KCTD1: variants seen among roughly 807,000 people sequenced by gnomAD.
KCTD1 encodes BTB/POZ domain-containing protein KCTD1.
Under a neutral mutation model 66.0 loss-of-function variants are expected in KCTD1, and 24 were observed. That is an observed-to-expected ratio of 0.36 (90% CI 0.26 to 0.51). KCTD1 has a LOEUF of 0.51. Among genes scored for constraint, KCTD1 ranks in the 20% least tolerant of loss-of-function variants. KCTD1 has a pLI of 0.95. For missense variants in KCTD1, 943 were observed against 1,205.2 expected (o/e 0.78, Z 3.22); for synonymous variants, 511 against 517.2 (o/e 0.99, Z 0.16).
chr18:26,559,172 A>C (rs1309588925), intron 1 of KCTD1, among the ~76,000 whole-genome samples: 2 of 152,146 alleles, frequency 1.3e-5, no homozygotes, highest in Non-Finnish European at 2.9e-5. Context: ...AGAATGAATA[A>C]GATCTGCTAT....
intron 1 of KCTD1, among the ~76,000 whole-genome samples, chr18:26,578,057 C>CTTTTTTTTTTTTTTTTTTTTCT: frequency 8.5e-6 from 1 of 117,048 alleles, no homozygotes; most frequent in Non-Finnish European, 1.7e-5. Context: ...TCTTTTCTTT[C>CTTTTTTTTTTTTTTTTTTTTCT]TTTTTTTTTT....
At chr18:26,517,093 T>TAGCC (rs1983689128) in intron 1 of KCTD1, among the ~76,000 whole-genome samples, 1 of 152,184 alleles carries the variant, frequency 6.6e-6, no homozygotes, top group South Asian at 2.1e-4. Flanking sequence ...CAGCCTGTGC[T>TAGCC]CACTGAGGAA....
chr18:26,455,701 T>C lies in KCTD1; in HGVS notation c.*42A>G. On this transcript the variant is annotated 3_prime_UTR_variant, in exon 5 of 5. Transcript: ENST00000580059. The stretch of plus-strand genomic sequence containing the variant: ...AATGTCCCTTTTTTGTTTGAGTTAT[T>C]GGTTGTGTGTGTTTTCCTTTTTGCA... 6.2e-7 allele frequency: 1 copy of C among 1,613,176 alleles called. No homozygotes were observed. The highest frequency in any genetic ancestry group is 1.1e-5 in the South Asian group (1 of 90,950).
intron 3 of KCTD1, among the ~76,000 whole-genome samples, chr18:26,461,468 C>T (rs906976176): frequency 3.3e-5 from 5 of 152,210 alleles, no homozygotes; most frequent in African/African-American, 7.2e-5. Context: ...CCTGCTTAGC[C>T]TCCTGACCCA....
chr18:26,570,030 G>A (rs1025821897), intron 1 of KCTD1, among the ~76,000 whole-genome samples: 1 of 151,794 alleles, frequency 6.6e-6, no homozygotes, highest in Non-Finnish European at 1.5e-5. Context: ...CTACTAAAAA[G>A]ACAAAATTAG....
intron 1 of KCTD1, among the ~76,000 whole-genome samples, chr18:26,512,052 C>A (rs573276270): frequency 6.6e-6 from 1 of 152,278 alleles, no homozygotes; most frequent in East Asian, 1.9e-4. Flanking sequence ...AGCAGAGTAT[C>A]GAAAGCTAAA....
chr18:26,638,823 AT>A (rs1987776321), intron 1 of KCTD1, among the ~76,000 whole-genome samples: 1 of 152,214 alleles, frequency 6.6e-6, no homozygotes, highest in Admixed American at 6.5e-5. Context: ...GCATAATATT[AT>A]TGCCCATATC....
Position 26,603,430 on chromosome 18 carries a change from TA to T in KCTD1, c.-16+25716del, listed in dbSNP as rs57816578. 9.5e-3 allele frequency among the ~76,000 whole-genome samples: 1,250 copies of T among 130,960 alleles called. 5 individuals are homozygous for T. The highest frequency in any genetic ancestry group is 0.018 in the African/African-American group (641 of 34,748). 85.9% of individuals were successfully genotyped at this position (130,960 alleles called of 152,430 possible). The stretch of plus-strand genomic sequence containing the variant: ...CTGGGCAACTGGAGTGAGACCCTGT[TA>T]AAAAAAAAAAAAAAAGACTTAAATG... On this transcript the variant is annotated intron_variant, in intron 1 of 4. Transcript: ENST00000317932.
At chr18:26,456,021 G>T in intron 4 of KCTD1, 120 bp from the exon 5 acceptor site, 1 of 890,188 alleles carries the variant, frequency 1.1e-6, no homozygotes, top group Non-Finnish European at 1.7e-6. Context: ...CCATGTCCCT[G>T]TGAGCTGCTC....
chr18:26,455,312 A>T lies in KCTD1; in HGVS notation c.*431T>A, dbSNP rs76843370. The T allele has an allele frequency of 0.023, 3,515 of 151,606 alleles. 137 individuals carry two copies. Among genetic ancestry groups the T allele is most frequent in the African/African-American group, 0.079 (3,262 of 41,158 alleles). The allele number at this position is 151,606 out of a possible 1,614,324, so 9.4% of individuals were successfully genotyped here. On this transcript the variant is annotated 3_prime_UTR_variant, in exon 5 of 5. Transcript: ENST00000580059. The stretch of plus-strand genomic sequence containing the variant: ...GGTGTTTTGTTTGTTTTGTTTTTTT[A>T]AAAAAAAAGGAAAAAGAAAGACAAA...
chr18:26,493,120 A>G (rs1287784544), intron 2 of KCTD1, among the ~76,000 whole-genome samples: 1 of 152,210 alleles, frequency 6.6e-6, no homozygotes, highest in African/African-American at 2.4e-5. Flanking sequence ...GTTTCTGTCT[A>G]TGATGAGACT....
intron 1 of KCTD1, among the ~76,000 whole-genome samples, chr18:26,530,172 A>C (rs1416590711): frequency 6.6e-6 from 1 of 152,166 alleles, no homozygotes; most frequent in African/African-American, 2.4e-5. Flanking sequence ...TTTTCTCTAC[A>C]CCCAAATTTT....
intron 1 of KCTD1, among the ~76,000 whole-genome samples, chr18:26,637,940 T>C (rs1010636912): frequency 1.1e-4 from 16 of 152,344 alleles, no homozygotes; most frequent in Middle Eastern, 3.4e-3. Flanking sequence ...GTTATCATTT[T>C]TGTAACGTTA....
chr18:26,482,541 G>A (rs1420030351), intron 2 of KCTD1, among the ~76,000 whole-genome samples: 2 of 152,090 alleles, frequency 1.3e-5, no homozygotes, highest in Admixed American at 6.6e-5. Flanking sequence ...AACTCTTACG[G>A]GATTTGTCAC....
intron 1 of KCTD1, among the ~76,000 whole-genome samples, chr18:26,623,379 G>A (rs1314106747): frequency 6.6e-6 from 1 of 152,062 alleles, no homozygotes; most frequent in Non-Finnish European, 1.5e-5. Context: ...TTGAATTGTA[G>A]TACCCACGAT....
At chr18:26,489,116 C>T (rs1241321211) in intron 2 of KCTD1, among the ~76,000 whole-genome samples, 4 of 152,202 alleles carry the variant, frequency 2.6e-5, no homozygotes, top group South Asian at 2.1e-4. Context: ...TCTGCACCAA[C>T]GCAGCTGGCT....
chr18:26,606,681 A>C (rs1315633752), intron 1 of KCTD1, among the ~76,000 whole-genome samples: 1 of 152,200 alleles, frequency 6.6e-6, no homozygotes, highest in African/African-American at 2.4e-5. Context: ...GCCAGTTCTG[A>C]CCATCGAGCC....
chr18:26,522,966 G>A (rs1002647402), intron 1 of KCTD1, among the ~76,000 whole-genome samples: 3 of 152,144 alleles, frequency 2.0e-5, no homozygotes, highest in South Asian at 2.1e-4. Context: ...CATGAATCTG[G>A]AAGTATTACT....
chr18:26,584,148 C>T lies in KCTD1; in HGVS notation c.-16+44999G>A, dbSNP rs143682590. Among the ~76,000 whole-genome samples the T allele has an allele frequency of 8.6e-4, 131 of 152,220 alleles. 2 individuals carry two copies. The East Asian group carries it at 0.019, about 22-fold the overall frequency. ...GGCAATATTGGGATTGGAGTGAGGG[C>T]TTTGAGGGCTCATCAAGTGTGCTGG... On this transcript the variant is annotated intron_variant, in intron 1 of 4. Transcript: ENST00000317932.
Sources: gnomAD v4.1 joint callset for allele counts (sites outside exome capture counted in the v4.1 genomes callset) on GRCh38, gnomAD v4.1.1 for gene constraint, MANE v1.5 for transcripts, NCBI Gene and HGNC (gene_info 2026-07-23, HGNC 2026-07-21) for gene names.